GPBP1: variants seen among roughly 807,000 people sequenced by gnomAD.
The protein encoded by GPBP1 is GC-rich promoter binding protein 1, also known as vasculin.
A neutral mutation model predicts 56.5 loss-of-function variants in GPBP1; 13 were observed. That is an observed-to-expected ratio of 0.23 (90% CI 0.15 to 0.37). GPBP1 has a LOEUF of 0.37. GPBP1 is among the 10% of genes least tolerant of loss of function. GPBP1 has a pLI of 1.00. For missense variants in GPBP1, 477 were observed against 572.3 expected (o/e 0.83, Z 1.70); for synonymous variants, 204 against 188.9 (o/e 1.08, Z -0.66).
intron 8 of GPBP1, among the ~76,000 whole-genome samples, chr5:57,247,675 A>G (rs1323792865): frequency 6.6e-6 from 1 of 151,996 alleles, no homozygotes; most frequent in African/African-American, 2.4e-5. Flanking sequence ...ACAGAGTGAG[A>G]CCCTGTCTCA....
chr5:57,211,935 TAA>T (rs145212816), intron 2 of GPBP1, among the ~76,000 whole-genome samples: 1 of 151,316 alleles, frequency 6.6e-6, no homozygotes, highest in African/African-American at 2.4e-5. Context: ...CAATTTTAAT[TAA>T]AAAAAAATTT....
Position 57,239,497 on chromosome 5 carries a change from C to A in GPBP1, c.478+3465C>A, listed in dbSNP as rs552038142. Among the ~76,000 whole-genome samples the A allele has an allele frequency of 4.6e-5, 7 of 152,218 alleles. No homozygotes were observed. In the South Asian group the frequency reaches 1.2e-3, roughly 27 times the overall value. On this transcript the variant is annotated intron_variant, in intron 6 of 11. Coordinates refer to ENST00000506184, the MANE Select transcript of GPBP1 (RefSeq NM_022913.4). ...GTTAATAAAATAAAGACGTTAAAAA[C>A]CAGCTGGGCGTGGTTGCTCATGCCT...
Position 57,253,912 on chromosome 5 carries a change from C to T in GPBP1, c.1160+2771C>T, listed in dbSNP as rs116135187. Among the ~76,000 whole-genome samples, 484 of 152,234 alleles carry T rather than the reference C, an allele frequency of 3.2e-3. 4 individuals carry two copies. The highest frequency in any genetic ancestry group is 6.8e-3 in the Middle Eastern group (2 of 294). On this transcript the variant is annotated intron_variant, in intron 10 of 11. Coordinates refer to ENST00000506184, the MANE Select transcript of GPBP1 (RefSeq NM_022913.4). The stretch of plus-strand genomic sequence containing the variant: ...GGGCTGGGAGTAGAGGCGTGAGCCA[C>T]GACACCTGGCTAGATCTTCTTTCGT...
chr5:57,212,690 A>T (rs1462615280), intron 2 of GPBP1, among the ~76,000 whole-genome samples: 2 of 134,296 alleles, frequency 1.5e-5, no homozygotes, highest in Non-Finnish European at 3.2e-5. Flanking sequence ...TTTTTTTGAG[A>T]CGGAGTTTTG....
intron 3 of GPBP1, among the ~76,000 whole-genome samples, chr5:57,219,397 A>AACC (rs1755837862): frequency 1.7e-5 from 1 of 58,186 alleles, no homozygotes; most frequent in Non-Finnish European, 2.7e-5. Flanking sequence ...AAAAAAAAAA[A>AACC]AAAAAACCAA....
At chr5:57,204,261 GT>G (rs529698449) in intron 2 of GPBP1, among the ~76,000 whole-genome samples, 218 of 150,768 alleles carry the variant, frequency 1.4e-3, no homozygotes, top group African/African-American at 4.6e-3. Flanking sequence ...GTTTTGTCTT[GT>G]TTTTTTTTGG....
intron 2 of GPBP1, among the ~76,000 whole-genome samples, chr5:57,203,180 C>CT (rs542037864): frequency 2.4e-4 from 36 of 151,968 alleles, no homozygotes; most frequent in Non-Finnish European, 4.3e-4. Flanking sequence ...GAATATAATG[C>CT]TTTTTTAACC....
chr5:57,235,850 C>A (rs973908067), intron 5 of GPBP1, 116 bp from the exon 6 acceptor site: 1 of 745,060 alleles, frequency 1.3e-6, no homozygotes, highest in Non-Finnish European at 2.3e-6. Context: ...GGTTATTCAA[C>A]CTGTAGCTAA....
At chr5:57,199,018 A>C (rs1264648016) in intron 2 of GPBP1, among the ~76,000 whole-genome samples, 1 of 152,240 alleles carries the variant, frequency 6.6e-6, no homozygotes, top group African/African-American at 2.4e-5. Context: ...AGTAGGATTT[A>C]ATATGAATTA....
chr5:57,230,151 C>G (rs186311383), intron 3 of GPBP1, among the ~76,000 whole-genome samples: 1 of 152,012 alleles, frequency 6.6e-6, no homozygotes, highest in South Asian at 2.1e-4. Flanking sequence ...CAGCTGGTCT[C>G]GAACTCCCAA....
At chr5:57,192,799 A>T (rs1468462762) in intron 2 of GPBP1, among the ~76,000 whole-genome samples, 1 of 151,584 alleles carries the variant, frequency 6.6e-6, no homozygotes, top group Non-Finnish European at 1.5e-5. Context: ...CATGTCTATT[A>T]CGAAGGCTAA....
intron 2 of GPBP1, among the ~76,000 whole-genome samples, chr5:57,204,477 C>A (rs1755147000): frequency 6.6e-6 from 1 of 152,146 alleles, no homozygotes. Flanking sequence ...GTCTCAAACT[C>A]CTGGATTCGG....
In GPBP1 at chr5:57,205,582, C is replaced by CTTT. The variant is rs56406653; in HGVS notation, c.-57-8480_-57-8478dup. 3.1e-3 allele frequency among the ~76,000 whole-genome samples: 433 copies of CTTT among 138,196 alleles called. 5 individuals are homozygous for CTTT. Among genetic ancestry groups the CTTT allele is most frequent in the African/African-American group, 0.011 (401 of 38,004 alleles). 90.7% of individuals were successfully genotyped at this position (138,196 alleles called of 152,430 possible). A position where few individuals can be genotyped will look rare whatever the true frequency, so the allele number is the denominator to read the frequency against. Reference sequence around the variant, plus strand: ...ACATCTTTGCTAACATTTATTTCCTCTTTTTTTTTTTTTTCATATTTTGAT... The same window carrying CTTT: ...ACATCTTTGCTAACATTTATTTCCTCTTTTTTTTTTTTTTTTTCATATTTTGAT... On this transcript the variant is annotated intron_variant, in intron 2 of 11. Coordinates refer to ENST00000506184, the MANE Select transcript of GPBP1 (RefSeq NM_022913.4).
chr5:57,258,284 C>A (rs1741748434), intron 10 of GPBP1, among the ~76,000 whole-genome samples: 1 of 152,124 alleles, frequency 6.6e-6, no homozygotes, highest in African/African-American at 2.4e-5. Context: ...GGGATATATT[C>A]TGAGAAACGT....
chr5:57,236,540 A>T (rs1003826271), intron 6 of GPBP1, among the ~76,000 whole-genome samples: 2 of 152,104 alleles, frequency 1.3e-5, no homozygotes, highest in African/African-American at 4.8e-5. Context: ...ATTTGAAGTT[A>T]TTTGTCTCTG....
At chr5:57,256,061 G>A (rs1241275231) in intron 10 of GPBP1, among the ~76,000 whole-genome samples, 2 of 152,128 alleles carry the variant, frequency 1.3e-5, no homozygotes, top group Non-Finnish European at 2.9e-5. Flanking sequence ...TTTGAGACCA[G>A]CCTGGCCAAC....
intron 2 of GPBP1, among the ~76,000 whole-genome samples, chr5:57,188,585 A>T (rs1436730959): frequency 1.3e-5 from 2 of 152,058 alleles, no homozygotes; most frequent in Non-Finnish European, 2.9e-5. Context: ...AAAAAAAAAA[A>T]TGCAGAAATT....
chr5:57,186,771 G>C (rs1754305467), intron 2 of GPBP1, among the ~76,000 whole-genome samples: 1 of 152,128 alleles, frequency 6.6e-6, no homozygotes, highest in African/African-American at 2.4e-5. Context: ...GAGTCTCACT[G>C]TGTTGCCCAG....
chr5:57,206,932 C>T (rs1382847181), intron 2 of GPBP1, among the ~76,000 whole-genome samples: 1 of 152,124 alleles, frequency 6.6e-6, no homozygotes, highest in Non-Finnish European at 1.5e-5. Context: ...TAGACCCCAT[C>T]TCTACGAAAA....
Sources: gnomAD v4.1 joint callset for allele counts (sites outside exome capture counted in the v4.1 genomes callset) on GRCh38, gnomAD v4.1.1 for gene constraint, MANE v1.5 for transcripts, NCBI Gene and HGNC (gene_info 2026-07-23, HGNC 2026-07-21) for gene names.